TRHR: variants seen among roughly 807,000 people sequenced by gnomAD.
TRHR encodes thyrotropin releasing hormone receptor.
A neutral mutation model predicts 28.0 loss-of-function variants in TRHR; 14 were observed. That is an observed-to-expected ratio of 0.50 (90% CI 0.33 to 0.78). The LOEUF is 0.78. TRHR is among the 30% of genes least tolerant of loss of function. The probability of loss-of-function intolerance (pLI) is 0.02; values close to 1 mark genes in which losing one functional copy is unlikely to be tolerated. For missense variants in TRHR, 438 were observed against 469.5 expected (o/e 0.93, Z 0.62); for synonymous variants, 176 against 171.9 (o/e 1.02, Z -0.18).
rs1007863486 is a variant in TRHR, at chr8:109,089,728, A to C, written c.789+1427A>C. 3.9e-5 allele frequency among the ~76,000 whole-genome samples: 6 copies of C among 152,176 alleles called. 1 individual carries two copies. Among genetic ancestry groups the C allele is most frequent in the African/African-American group, 2.4e-5 (1 of 41,448 alleles). On this transcript the variant is annotated intron_variant, in intron 2 of 2. Coordinates refer to ENST00000518632, the MANE Select transcript of TRHR (RefSeq NM_003301.7). The stretch of plus-strand genomic sequence containing the variant: ...ACTTGATTAATGGAAATTTAGAGAG[A>C]TCTATTGACTATCTTCCAAGACAAA...
intron 2 of TRHR, among the ~76,000 whole-genome samples, chr8:109,113,090 G>A (rs1586194943): frequency 6.6e-6 from 1 of 152,088 alleles, no homozygotes; most frequent in East Asian, 1.9e-4. Flanking sequence ...AATAAAAGAG[G>A]CAGATGTTTT....
intron 2 of TRHR, among the ~76,000 whole-genome samples, chr8:109,090,800 G>A (rs1811506965): frequency 6.6e-6 from 1 of 152,202 alleles, no homozygotes; most frequent in Non-Finnish European, 1.5e-5. Context: ...AGAATGGCAT[G>A]GGTTTGGAGA....
intron 2 of TRHR, among the ~76,000 whole-genome samples, chr8:109,114,693 G>A (rs1233097623): frequency 6.6e-6 from 1 of 152,044 alleles, no homozygotes; most frequent in Non-Finnish European, 1.5e-5. Flanking sequence ...TGCAAGAACA[G>A]TCTTCTCGTC....
chr8:109,094,715 A>G (rs1444848791), intron 2 of TRHR, among the ~76,000 whole-genome samples: 2 of 151,458 alleles, frequency 1.3e-5, no homozygotes, highest in African/African-American at 2.4e-5. Flanking sequence ...GCATGTTGCA[A>G]ATATAAAATT....
chr8:109,102,842 A>T (rs887084607), intron 2 of TRHR, among the ~76,000 whole-genome samples: 1 of 152,140 alleles, frequency 6.6e-6, no homozygotes, highest in Non-Finnish European at 1.5e-5. Context: ...ACTTCCCAGT[A>T]AGTCTGTTCT....
Position 109,118,956 on chromosome 8 carries a change from T to C in TRHR, c.790-92T>C, listed in dbSNP as rs1811959808. On this transcript the variant is annotated intron_variant, in intron 2 of 2. Coordinates refer to ENST00000518632, the MANE Select transcript of TRHR (RefSeq NM_003301.7). Reference sequence around the variant, plus strand: ...CCTAACTCCTTGTCTCAGACTACATTTTGGGAACTAAAGGTTTGGGTGAGA... The same window carrying C: ...CCTAACTCCTTGTCTCAGACTACATCTTGGGAACTAAAGGTTTGGGTGAGA... The C allele has an allele frequency of 4.6e-6, 7 of 1,516,448 alleles. No individual in the cohort carries two copies. In the Admixed American group the frequency reaches 1.2e-4, roughly 26 times the overall value. The allele number at this position is 1,516,448 out of a possible 1,614,324, so 93.9% of individuals were successfully genotyped here.
intron 2 of TRHR, among the ~76,000 whole-genome samples, chr8:109,102,858 T>C (rs1170387339): frequency 6.6e-6 from 1 of 152,176 alleles, no homozygotes; most frequent in African/African-American, 2.4e-5. Flanking sequence ...GTTCTGGGAC[T>C]CATTCCCAAT....
chr8:109,096,640 C>A (rs1236493668), intron 2 of TRHR, among the ~76,000 whole-genome samples: 4 of 152,186 alleles, frequency 2.6e-5, no homozygotes, highest in African/African-American at 9.6e-5. Flanking sequence ...ACACTGGTGG[C>A]TTAAAATTGG....
intron 1 of TRHR, 96 bp from the exon 2 acceptor site, chr8:109,087,328 TG>T: frequency 1.5e-6 from 1 of 673,612 alleles, no homozygotes; most frequent in Non-Finnish European, 2.6e-6. Context: ...CATAGAAAAA[TG>T]GGAAGTGAAA....
intron 2 of TRHR, among the ~76,000 whole-genome samples, chr8:109,104,803 C>T (rs1050932840): frequency 3.9e-5 from 6 of 152,098 alleles, no homozygotes; most frequent in Middle Eastern, 3.4e-3. Flanking sequence ...TTTAAATATT[C>T]TAGCCTAAAT....
chr8:109,087,292 T>C, intron 1 of TRHR, 133 bp from the exon 2 acceptor site: 1 of 605,432 alleles, frequency 1.7e-6, no homozygotes. Flanking sequence ...AAAGAAGTTT[T>C]AAGAAGTACA....
At chr8:109,115,854 G>C (rs1196789525) in intron 2 of TRHR, among the ~76,000 whole-genome samples, 1 of 152,140 alleles carries the variant, frequency 6.6e-6, no homozygotes, top group Non-Finnish European at 1.5e-5. Flanking sequence ...TTGAATAGGA[G>C]TGGTGAGAGA....
At chr8:109,098,831 G>T (rs1488730898) in intron 2 of TRHR, among the ~76,000 whole-genome samples, 1 of 152,124 alleles carries the variant, frequency 6.6e-6, no homozygotes, top group Non-Finnish European at 1.5e-5. Context: ...CCACTGGCAG[G>T]GTTTGGTGTT....
intron 2 of TRHR, among the ~76,000 whole-genome samples, chr8:109,118,482 G>T (rs1281851994): frequency 6.6e-6 from 1 of 151,884 alleles, no homozygotes; most frequent in African/African-American, 2.4e-5. Flanking sequence ...TTGACCCTAA[G>T]TCTCCTAATG....
At chr8:109,102,046 T>C (rs4735092) in intron 2 of TRHR, among the ~76,000 whole-genome samples, 88,676 of 151,926 alleles carry the variant, frequency 0.58, 27,974 homozygotes, top group African/African-American at 0.83. Context: ...GACTGAGAAG[T>C]ACCCAGTTTC....
rs146715735 is a variant in TRHR at position 109,091,216 on chromosome 8, C to T, written c.789+2915C>T. Among the ~76,000 whole-genome samples, 26 of 152,016 alleles carry T rather than the reference C, an allele frequency of 1.7e-4. 2 individuals are homozygous for T. In the East Asian group the frequency reaches 5.0e-3, roughly 29 times the overall value. On this transcript the variant is annotated intron_variant, in intron 2 of 2. Coordinates refer to ENST00000518632, the MANE Select transcript of TRHR (RefSeq NM_003301.7). ...AGGAGAATTTAAAGTAAAGAGTATA[C>T]CAGAAAGATGTTTCAAAGAAAGAAA...
chr8:109,101,363 G>T (rs573128348), intron 2 of TRHR, among the ~76,000 whole-genome samples: 1 of 152,282 alleles, frequency 6.6e-6, no homozygotes, highest in Non-Finnish European at 1.5e-5. Flanking sequence ...AGAGAAAGTG[G>T]TGTGACTGTT....
intron 2 of TRHR, among the ~76,000 whole-genome samples, chr8:109,095,649 A>C (rs1811577623): frequency 6.6e-6 from 1 of 152,148 alleles, no homozygotes; most frequent in African/African-American, 2.4e-5. Context: ...CAGAAAAGAC[A>C]TCTCCTGACC....
intron 2 of TRHR, among the ~76,000 whole-genome samples, chr8:109,093,837 G>C (rs1469600597): frequency 6.7e-6 from 1 of 148,466 alleles, no homozygotes; most frequent in Non-Finnish European, 1.5e-5. Flanking sequence ...TAGAACTTTT[G>C]CTTTCCCTCC....
Sources: allele counts gnomAD v4.1 joint callset (sites outside exome capture counted in the v4.1 genomes callset), GRCh38; gene constraint gnomAD v4.1.1; transcripts MANE v1.5; gene names NCBI Gene and HGNC (gene_info 2026-07-23, HGNC 2026-07-21).